CATSPERT: variants seen among roughly 807,000 people sequenced by gnomAD.
The protein encoded by CATSPERT is catsper channel auxiliary subunit tau, also known as cation channel sperm-associated targeting subunit tau.
the CATSPERT span, among the ~76,000 whole-genome samples, chr2:201,525,879 A>C: frequency 4.6e-5 from 7 of 152,170 alleles, no homozygotes; most frequent in Non-Finnish European, 1.0e-4. Context: ...AAAATGGATA[A>C]ATTCCTGGAT....
At chr2:201,489,095 T>G in the CATSPERT span, among the ~76,000 whole-genome samples, 7 of 152,186 alleles carry the variant, frequency 4.6e-5, no homozygotes, top group Non-Finnish European at 1.0e-4. Context: ...GATTCCTGGA[T>G]TTTAGAAAAT....
At chr2:201,607,162 A>G in the CATSPERT span, among the ~76,000 whole-genome samples, 3 of 152,274 alleles carry the variant, frequency 2.0e-5, no homozygotes, top group African/African-American at 7.2e-5. Context: ...GGCTAAATGG[A>G]TCAAAAAAAC....
the CATSPERT span, among the ~76,000 whole-genome samples, chr2:201,607,401 C>G: frequency 6.6e-6 from 1 of 152,256 alleles, no homozygotes; most frequent in East Asian, 1.9e-4. Context: ...CCTGTAATCA[C>G]AGCAATTTGG....
At chr2:201,565,168 T>G in the CATSPERT span, among the ~76,000 whole-genome samples, 7 of 152,176 alleles carry the variant, frequency 4.6e-5, no homozygotes, top group East Asian at 1.2e-3. Flanking sequence ...GCAAGAATTA[T>G]GCTTTATCCC....
the CATSPERT span, chr2:201,557,199 TAAATTC>T: frequency 6.6e-6 from 1 of 152,230 alleles, no homozygotes; most frequent in African/African-American, 2.4e-5. Context: ...TACATAAATT[TAAATTC>T]AAACATTGAT....
At chr2:201,573,086 T>C in the CATSPERT span, among the ~76,000 whole-genome samples, 2 of 152,216 alleles carry the variant, frequency 1.3e-5, no homozygotes. Context: ...CCCAGGAATA[T>C]TAAGAGTTCT....
At chr2:201,565,678 TA>T in the CATSPERT span, 1 of 1,484,648 alleles carries the variant, frequency 6.7e-7, no homozygotes, top group South Asian at 1.4e-5. Flanking sequence ...AAATAACACC[TA>T]AGATGAAAAT....
the CATSPERT span, chr2:201,603,158 G>A: frequency 2.7e-6 from 4 of 1,464,190 alleles, no homozygotes; most frequent in Non-Finnish European, 3.8e-6. Flanking sequence ...GGTTTGTAAT[G>A]CAGCAATGGA....
the CATSPERT span, among the ~76,000 whole-genome samples, chr2:201,572,369 C>T: frequency 1.3e-5 from 2 of 152,108 alleles, no homozygotes; most frequent in Non-Finnish European, 2.9e-5. Flanking sequence ...GTAGCTTTAT[C>T]TGCCCCCAAT....
the CATSPERT span, among the ~76,000 whole-genome samples, chr2:201,504,541 T>G: frequency 6.6e-6 from 1 of 152,156 alleles, no homozygotes; most frequent in Non-Finnish European, 1.5e-5. Context: ...ATTCAGGAAT[T>G]TACCCACAAA....
chr2:201,615,826 GAA>G, the CATSPERT span, among the ~76,000 whole-genome samples: 1 of 151,934 alleles, frequency 6.6e-6, no homozygotes, highest in African/African-American at 2.4e-5. Flanking sequence ...TAAGAAAGAA[GAA>G]AAGAGAGAAG....
At chr2:201,525,081 G>A in the CATSPERT span, among the ~76,000 whole-genome samples, 4 of 151,980 alleles carry the variant, frequency 2.6e-5, no homozygotes, top group Admixed American at 6.6e-5. Context: ...AAAGATATTC[G>A]GGACCTAAAC....
the CATSPERT span, among the ~76,000 whole-genome samples, chr2:201,617,681 T>C: frequency 6.6e-6 from 1 of 152,040 alleles, no homozygotes; most frequent in Non-Finnish European, 1.5e-5. Context: ...CCAAAAGCAA[T>C]GGCAACCAAA....
the CATSPERT span, among the ~76,000 whole-genome samples, chr2:201,517,022 G>C: frequency 1.3e-5 from 2 of 151,672 alleles, no homozygotes; most frequent in East Asian, 1.9e-4. Context: ...CCCAGACACA[G>C]GGAATTTTTT....
chr2:201,499,038 G>C, the CATSPERT span, among the ~76,000 whole-genome samples: 1 of 151,944 alleles, frequency 6.6e-6, no homozygotes, highest in South Asian at 2.1e-4. Context: ...CATCCTACCT[G>C]CCATCTTCCA....
chr2:201,489,966 C>T, the CATSPERT span, among the ~76,000 whole-genome samples: 4 of 151,688 alleles, frequency 2.6e-5, no homozygotes, highest in Non-Finnish European at 5.9e-5. Flanking sequence ...AAGCGATTCT[C>T]GTGCTTCAGT....
the CATSPERT span, among the ~76,000 whole-genome samples, chr2:201,578,834 T>C: frequency 6.6e-6 from 1 of 152,322 alleles, no homozygotes; most frequent in South Asian, 2.1e-4. Flanking sequence ...CATTTTTTGA[T>C]GCCTAAATTG....
chr2:201,531,923 T>A, the CATSPERT span, among the ~76,000 whole-genome samples: 1 of 152,144 alleles, frequency 6.6e-6, no homozygotes, highest in African/African-American at 2.4e-5. Context: ...AGGAGTGACA[T>A]GATTTAGATT....
At chr2:201,523,556 T>G in the CATSPERT span, among the ~76,000 whole-genome samples, 1 of 152,126 alleles carries the variant, frequency 6.6e-6, no homozygotes, top group East Asian at 1.9e-4. Context: ...AATGAACCAG[T>G]GAAAGAACTC....
Sources: gnomAD v4.1 joint callset for allele counts (sites outside exome capture counted in the v4.1 genomes callset) on GRCh38, gnomAD v4.1.1 for gene constraint, MANE v1.5 for transcripts, NCBI Gene and HGNC (gene_info 2026-07-23, HGNC 2026-07-21) for gene names.